Variants in HHEX observed in about 807,000 individuals in gnomAD.
The protein encoded by HHEX is hematopoietically expressed homeobox, also known as hematopoietically-expressed homeobox protein HHEX.
HHEX carries 8 observed loss-of-function variants against 27.0 expected under a neutral mutation model. The ratio of observed to expected loss-of-function variants is 0.30; its 90% CI spans 0.17 to 0.54. The LOEUF (loss-of-function observed/expected upper bound fraction) is 0.54. Among genes scored for constraint, HHEX ranks in the 20% least tolerant of loss-of-function variants. HHEX has a pLI of 0.95. For missense variants in HHEX, 326 were observed against 357.2 expected (o/e 0.91, Z 0.70); for synonymous variants, 164 against 161.5 (o/e 1.02, Z -0.12).
chr10:92,693,441 G>C lies in HHEX; in HGVS notation c.591+689G>C, dbSNP rs536093981. ...CATTCATTTTTGATGTCCTAATCTG[G>C]ATATACTCTCCAAAGTTATCTGATA... On this transcript the variant is annotated intron_variant, in intron 3 of 3. Transcript: ENST00000282728. Among the ~76,000 whole-genome samples the C allele has an allele frequency of 2.0e-5, 3 of 152,226 alleles. No individual in the cohort carries two copies. The East Asian group carries it at 5.8e-4, about 29-fold the overall frequency.
chr10:92,695,168 G>A lies in HHEX; in HGVS notation c.*400G>A. On this transcript the variant is annotated 3_prime_UTR_variant, in exon 4 of 4. Transcript: ENST00000282728. ...GTAATCTGTTTATCTCCCACTTAAT[G>A]GAAAGGCAAAGGGGTACCCCAAATC... The A allele has an allele frequency of 6.1e-6, 1 of 165,226 alleles. No individual in the cohort carries two copies. Among genetic ancestry groups the A allele is most frequent in the South Asian group, 1.5e-4 (1 of 6,558 alleles). The allele number at this position is 165,226 out of a possible 1,614,324, so 10.2% of individuals were successfully genotyped here.
At chr10:92,693,753 A>G (rs1212047673) in intron 3 of HHEX, among the ~76,000 whole-genome samples, 1 of 152,184 alleles carries the variant, frequency 6.6e-6, no homozygotes, top group Non-Finnish European at 1.5e-5. Context: ...AGATGTTGTA[A>G]TATTTCTATG....
At chr10:92,693,764 T>G (rs1255524108) in intron 3 of HHEX, among the ~76,000 whole-genome samples, 1 of 152,222 alleles carries the variant, frequency 6.6e-6, no homozygotes, top group Non-Finnish European at 1.5e-5. Flanking sequence ...TATTTCTATG[T>G]AGTATTTATA....
chr10:92,694,430 ACT>A, intron 3 of HHEX, 115 bp from the exon 4 acceptor site: 1 of 740,548 alleles, frequency 1.4e-6, no homozygotes. Flanking sequence ...AACTGAAAAC[ACT>A]CAGTAAACTA....
chr10:92,692,528 G>A lies in HHEX; in HGVS notation c.522G>A (p.Leu174=). The change falls in exon 2 of 4, where the codon CTG becomes CTA. Residue 174 remains leucine (L), a synonymous_variant. Coordinates refer to ENST00000282728, the MANE Select transcript of HHEX (RefSeq NM_002729.5). ...AGAGGAAGCGTCTGGCCAAGATGCT[G>A]CAGCTCAGCGAGAGACAGGTGAGCT... The part of the protein sequence containing the change: ...PPERKRLAKM[L]QLSERQVKTW... 1 of 1,613,856 alleles carries A rather than the reference G, an allele frequency of 6.2e-7. No individual in the cohort carries two copies.
In HHEX at chr10:92,690,137, C is replaced by T. The variant is rs1460542863; in HGVS notation, c.151C>T (p.Leu51=). ...GPAAPTPAPT[L]PSPNSSFTSL... ...CGCCGCGCCCACGCCCGCCCCCACGCTGCCGTCCCCCAACTCCTCCTTCAC... is the reference window on the plus strand; with the variant it reads ...CGCCGCGCCCACGCCCGCCCCCACGTTGCCGTCCCCCAACTCCTCCTTCAC... The change falls in exon 1 of 4, where the codon CTG becomes TTG. Residue 51 remains leucine, a synonymous_variant. Transcript: ENST00000282728. 1 of 1,549,662 alleles carries T rather than the reference C, an allele frequency of 6.5e-7. No homozygotes were observed. Among genetic ancestry groups the T allele is most frequent in the Admixed American group, 2.0e-5 (1 of 50,978 alleles).
rs1200714119 is a variant in HHEX at position 92,692,436 on chromosome 10, T to A, written c.430T>A (p.Phe144Ile). 1 of 1,613,742 alleles carries A rather than the reference T, an allele frequency of 6.2e-7. No individual in the cohort carries two copies. Among genetic ancestry groups the A allele is most frequent in the Non-Finnish European group, 8.5e-7 (1 of 1,179,908 alleles). Residue 144 changes from phenylalanine (F) to isoleucine (I), a missense_variant, in exon 2 of 4, where the codon TTC becomes ATC. Phe to Ile is a conservative substitution (Grantham distance 21, BLOSUM62 0). Around this residue, in one of 4 missense-constraint regions of HHEX, gnomAD observed 40 missense variants for 54.9 expected, o/e 0.73. Transcript: ENST00000282728. Reference sequence around the variant, plus strand: ...TAAAAGGAAAGGCGGCCAGGTGAGATTCTCCAACGACCAGACCATCGAGCT... The same window carrying A: ...TAAAAGGAAAGGCGGCCAGGTGAGAATCTCCAACGACCAGACCATCGAGCT... Reference protein sequence around the residue: ...LHKRKGGQVRFSNDQTIELEK... With the variant: ...LHKRKGGQVRISNDQTIELEK...
At chr10:92,693,785 A>G (rs552204292) in intron 3 of HHEX, among the ~76,000 whole-genome samples, 51 of 152,332 alleles carry the variant, frequency 3.3e-4, no homozygotes, top group African/African-American at 1.2e-3. Flanking sequence ...TGCATTTTAG[A>G]CAAGTATAGG....
At position 92,694,904 on chromosome 10, in the gene HHEX, T is replaced by C. The variant is rs1253715273; in HGVS notation, c.*136T>C. ...TGGTATTCTGGAAACCTAAAAATAT[T>C]TGGTGCACTGCTCAATTAACAAACC... On this transcript the variant is annotated 3_prime_UTR_variant, in exon 4 of 4. Transcript: ENST00000282728. The C allele has an allele frequency of 4.5e-6, 3 of 669,964 alleles. No homozygotes were observed. The highest frequency in any genetic ancestry group is 7.6e-6 in the Non-Finnish European group (3 of 394,886). The allele number at this position is 669,964 out of a possible 1,614,324, so 41.5% of individuals were successfully genotyped here.
chr10:92,695,478 T>A lies in HHEX; in HGVS notation c.*710T>A, dbSNP rs1246815544. On this transcript the variant is annotated 3_prime_UTR_variant, in exon 4 of 4. Coordinates refer to ENST00000282728, the MANE Select transcript of HHEX (RefSeq NM_002729.5). ...AAGTTAATCGCAGATGAACTAGAAG[T>A]CACAGGTTAATTAAATGTAAGTAGA... The A allele has an allele frequency of 6.6e-6, 1 of 152,570 alleles. No homozygotes were observed. Among genetic ancestry groups the A allele is most frequent in the Admixed American group, 6.5e-5 (1 of 15,274 alleles). 9.5% of individuals were successfully genotyped at this position (152,570 alleles called of 1,614,324 possible). A position where few individuals can be genotyped will look rare whatever the true frequency, so the allele number is the denominator to read the frequency against.
Position 92,694,914 on chromosome 10 carries a change from G to A in HHEX, c.*146G>A. On this transcript the variant is annotated 3_prime_UTR_variant, in exon 4 of 4. Transcript: ENST00000282728. Reference sequence around the variant, plus strand: ...GAAACCTAAAAATATTTGGTGCACTGCTCAATTAACAAACCTACATGGAGA... The same window carrying A: ...GAAACCTAAAAATATTTGGTGCACTACTCAATTAACAAACCTACATGGAGA... 1.6e-6 allele frequency: 1 copy of A among 642,534 alleles called. No homozygotes were observed. Among genetic ancestry groups the A allele is most frequent in the Non-Finnish European group, 2.7e-6 (1 of 372,424 alleles). 39.8% of individuals were successfully genotyped at this position (642,534 alleles called of 1,614,324 possible).
rs1026326163 is a variant in HHEX at position 92,690,323 on chromosome 10, G to T, written c.337G>T (p.Ala113Ser). The stretch of plus-strand genomic sequence containing the variant: ...GCGGACGGTGAACGACTACACGCAC[G>T]CCCTGCTCCGCCACGACCCCCTGGG... ...FPRTVNDYTH[A>S]LLRHDPLGKP... is the part of the protein sequence containing the mutation. Residue 113 changes from alanine to serine, a missense_variant, in exon 1 of 4, where the codon GCC becomes TCC. This residue lies in a region of HHEX where 215 missense variants were observed against 196.4 expected (regional missense o/e 1.09). Transcript: ENST00000282728. 5.3e-6 allele frequency: 8 copies of T among 1,512,870 alleles called. No individual in the cohort carries two copies. The Admixed American group carries it at 6.3e-5, about 12-fold the overall frequency. 93.7% of individuals were successfully genotyped at this position (1,512,870 alleles called of 1,614,324 possible).
rs866019189 is a variant in HHEX, at chr10:92,690,373, G to T, written c.361+26G>T. 2.8e-6 allele frequency: 4 copies of T among 1,404,716 alleles called. No homozygotes were observed. The South Asian group carries it at 6.2e-5, about 22-fold the overall frequency. 87.0% of individuals were successfully genotyped at this position (1,404,716 alleles called of 1,614,324 possible). A position where few individuals can be genotyped will look rare whatever the true frequency, so the allele number is the denominator to read the frequency against. ...GTAAGGCGGCCGGGCGAGGGTGGGG[G>T]CGAGGAAGCGCCACCCGGCAGGTGG... On this transcript the variant is annotated intron_variant, in intron 1 of 3. Transcript: ENST00000282728.
At position 92,692,534 on chromosome 10, in the gene HHEX, C is replaced by T; in HGVS notation, c.528C>T (p.Leu176=). Residue 176 remains leucine (L), a synonymous_variant, in exon 2 of 4, where the codon CTC becomes CTT. Coordinates refer to ENST00000282728, the MANE Select transcript of HHEX (RefSeq NM_002729.5). ...AGCGTCTGGCCAAGATGCTGCAGCT[C>T]AGCGAGAGACAGGTGAGCTCGCGGG... ...ERKRLAKMLQ[L]SERQVKTWFQ... 6.2e-7 allele frequency: 1 copy of T among 1,613,720 alleles called. No individual in the cohort carries two copies.
chr10:92,694,496 T>C, intron 3 of HHEX, 51 bp from the exon 4 acceptor site: 1 of 1,324,852 alleles, frequency 7.5e-7, no homozygotes, highest in Non-Finnish European at 1.1e-6. Flanking sequence ...TCCTCTCACC[T>C]ATCCATATTT....
chr10:92,692,410 A>AT lies in HHEX; in HGVS notation c.405dup (p.Lys136Ter). 6.2e-7 allele frequency: 1 copy of AT among 1,614,090 alleles called. No homozygotes were observed. The highest frequency in any genetic ancestry group is 8.5e-7 in the Non-Finnish European group (1 of 1,180,020). ...AGCCCCTTCTTGCAGAGGCCTCTGC[A>AT]TAAAAGGAAAGGCGGCCAGGTGAGA... On this transcript the variant is annotated frameshift_variant, in exon 2 of 4. Coordinates refer to ENST00000282728, the MANE Select transcript of HHEX (RefSeq NM_002729.5). LOFTEE classifies it high-confidence loss of function.
In HHEX at chr10:92,692,396, G is replaced by T; in HGVS notation, c.390G>T (p.Leu130Phe). 6.2e-7 allele frequency: 1 copy of T among 1,613,994 alleles called. No individual in the cohort carries two copies. The highest frequency in any genetic ancestry group is 8.5e-7 in the Non-Finnish European group (1 of 1,180,012). ...LGKPLLWSPF[L>F]QRPLHKRKGG... is the part of the protein sequence containing the mutation. Reference sequence around the variant, plus strand: ...AACCTCTACTCTGGAGCCCCTTCTTGCAGAGGCCTCTGCATAAAAGGAAAG... The same window carrying T: ...AACCTCTACTCTGGAGCCCCTTCTTTCAGAGGCCTCTGCATAAAAGGAAAG... Residue 130 changes from leucine (L) to phenylalanine (F), a missense_variant, in exon 2 of 4, where the codon TTG becomes TTT. By Grantham distance (22) the Leu-to-Phe change is conservative. Around this residue, in one of 4 missense-constraint regions of HHEX, gnomAD observed 215 missense variants for 196.4 expected, o/e 1.09. Coordinates refer to ENST00000282728, the MANE Select transcript of HHEX (RefSeq NM_002729.5).
chr10:92,690,492 G>T, intron 1 of HHEX, 145 bp downstream of exon 1: 1 of 1,046,598 alleles, frequency 9.6e-7, no homozygotes, highest in Non-Finnish European at 1.3e-6. Context: ...GCGCGGGGAC[G>T]GGAGGCGCGC....
chr10:92,691,229 C>G (rs1407733903), intron 1 of HHEX, among the ~76,000 whole-genome samples: 1 of 152,148 alleles, frequency 6.6e-6, no homozygotes, highest in Non-Finnish European at 1.5e-5. Context: ...GCATATATTC[C>G]AGAACTTCGG....
Sources: allele counts gnomAD v4.1 joint callset (sites outside exome capture counted in the v4.1 genomes callset), GRCh38; gene constraint gnomAD v4.1.1; regional missense constraint gnomAD v4.1.1; transcripts MANE v1.5; gene names NCBI Gene and HGNC (gene_info 2026-07-23, HGNC 2026-07-21).